Variants in PDK1 observed in about 807,000 individuals in gnomAD.
PDK1 encodes the protein [Pyruvate dehydrogenase (acetyl-transferring)] kinase isozyme 1, mitochondrial.
PDK1 carries 39 observed loss-of-function variants against 54.2 expected under a neutral mutation model. That is an observed-to-expected ratio of 0.72 (90% CI 0.56 to 0.94). The LOEUF (loss-of-function observed/expected upper bound fraction) is 0.94. PDK1 is among the 40% of genes least tolerant of loss of function. The pLI, the probability that PDK1 is intolerant of heterozygous loss-of-function variation, is 0.00. For synonymous variants in PDK1, 221 were observed against 207.1 expected (o/e 1.07, Z -0.58); for missense variants, 552 against 566.0 (o/e 0.98, Z 0.25).
In PDK1 at chr2:172,597,938, C is replaced by A. The variant is rs1690975511; in HGVS notation, c.*1969C>A. 6.6e-6 allele frequency: 1 copy of A among 151,430 alleles called. No homozygotes were observed. The highest frequency in any genetic ancestry group is 1.5e-5 in the Non-Finnish European group (1 of 67,820). The allele number at this position is 151,430 out of a possible 1,614,324, so 9.4% of individuals were successfully genotyped here. A position where few individuals can be genotyped will look rare whatever the true frequency, so the allele number is the denominator to read the frequency against. On this transcript the variant is annotated 3_prime_UTR_variant, in exon 11 of 11. Transcript: ENST00000282077. The stretch of plus-strand genomic sequence containing the variant: ...AGAGGGATGTGAATGGGCAGTTAGT[C>A]CAGTGCCCTCATTTAAGAGGCCAAG...
rs1388464734 is a variant in PDK1 at position 172,601,342 on chromosome 2, C to T, written c.*5373C>T. 2 of 152,084 alleles carry T rather than the reference C, an allele frequency of 1.3e-5. No homozygotes were observed. Among genetic ancestry groups the T allele is most frequent in the Non-Finnish European group, 2.9e-5 (2 of 68,008 alleles). The allele number at this position is 152,084 out of a possible 1,614,324, so 9.4% of individuals were successfully genotyped here. A position where few individuals can be genotyped will look rare whatever the true frequency, so the allele number is the denominator to read the frequency against. On this transcript the variant is annotated 3_prime_UTR_variant, in exon 11 of 11. Coordinates refer to ENST00000282077, the MANE Select transcript of PDK1 (RefSeq NM_002610.5). ...AAAGTTTAAAATAGAAGTAAACAAGCAAACATACTGATAATGGTTAGGCTT... is the reference window on the plus strand; with the variant it reads ...AAAGTTTAAAATAGAAGTAAACAAGTAAACATACTGATAATGGTTAGGCTT...
the PDK1 span, among the ~76,000 whole-genome samples, chr2:172,622,383 TA>T: frequency 2.7e-5 from 4 of 149,446 alleles, no homozygotes; most frequent in Non-Finnish European, 5.9e-5. Flanking sequence ...TTATGTGAGA[TA>T]TGTTTATATC....
At chr2:172,555,986 T>G (rs761907926), upstream of PDK1, 2 of 446,756 alleles carry the variant, frequency 4.5e-6, no homozygotes, top group Non-Finnish European at 7.5e-6. Flanking sequence ...CCGCTCCGCG[T>G]CCCGCCCAGC....
rs1387160837 is a variant in PDK1, at chr2:172,600,444, T to A, written c.*4475T>A. On this transcript the variant is annotated 3_prime_UTR_variant, in exon 11 of 11. Coordinates refer to ENST00000282077, the MANE Select transcript of PDK1 (RefSeq NM_002610.5). ...AATATGAACTATTTCTTTTCATCTC[T>A]TTACTCTCAGTATCTCCATAATGGC... The A allele has an allele frequency of 6.6e-6, 1 of 152,220 alleles. No homozygotes were observed. The highest frequency in any genetic ancestry group is 2.4e-5 in the African/African-American group (1 of 41,454). 9.4% of individuals were successfully genotyped at this position (152,220 alleles called of 1,614,324 possible).
the PDK1 span, among the ~76,000 whole-genome samples, chr2:172,679,504 A>G: frequency 6.6e-6 from 1 of 152,334 alleles, no homozygotes; most frequent in South Asian, 2.1e-4. Context: ...TTTGAGCAAC[A>G]AGATGAAGTC....
chr2:172,667,552 C>T, the PDK1 span, among the ~76,000 whole-genome samples: 1 of 152,198 alleles, frequency 6.6e-6, no homozygotes, highest in Non-Finnish European at 1.5e-5. Context: ...GACAAATCCT[C>T]CAGGTCAGCA....
the PDK1 span, among the ~76,000 whole-genome samples, chr2:172,622,128 T>TCATATTATGTGAGATATGTTTATATCA: frequency 9.2e-6 from 1 of 108,536 alleles, no homozygotes; most frequent in Non-Finnish European, 1.8e-5. Flanking sequence ...TGTTTATATC[T>TCATATTATGTGAGATATGTTTATATCA]CATATTATGT....
intron 8 of PDK1, among the ~76,000 whole-genome samples, chr2:172,574,518 C>T (rs368042539): frequency 5.9e-5 from 9 of 152,278 alleles, no homozygotes; most frequent in African/African-American, 2.2e-4. Flanking sequence ...TTAGAGTTAA[C>T]AATATTAACT....
chr2:172,559,375 T>C (rs898282170), intron 2 of PDK1, among the ~76,000 whole-genome samples: 2 of 152,214 alleles, frequency 1.3e-5, no homozygotes, highest in East Asian at 1.9e-4. Flanking sequence ...AAAACTGCAC[T>C]GAAATACAGA....
the PDK1 span, among the ~76,000 whole-genome samples, chr2:172,675,989 G>A: frequency 6.6e-6 from 1 of 152,052 alleles, no homozygotes; most frequent in African/African-American, 2.4e-5. Context: ...AATCTCTTCT[G>A]CTTGTGCTTT....
At chr2:172,669,117 T>C in the PDK1 span, among the ~76,000 whole-genome samples, 1 of 134,552 alleles carries the variant, frequency 7.4e-6, no homozygotes, top group Middle Eastern at 4.7e-3. Context: ...TGGAGTGCAG[T>C]GGCGCAATCT....
At chr2:172,676,841 A>T in the PDK1 span, among the ~76,000 whole-genome samples, 91 of 152,310 alleles carry the variant, frequency 6.0e-4, no homozygotes, top group African/African-American at 2.1e-3. Context: ...GATTGAATCC[A>T]TGTGGCAAAC....
rs143302178 is a variant in PDK1 at position 172,557,976 on chromosome 2, C to T, written c.197-732C>T. ...AGCCTCCCAAGCCTAGAACTACCGGCAAGCACCACCACGCCCGGCTATTTT... is the reference window on the plus strand; with the variant it reads ...AGCCTCCCAAGCCTAGAACTACCGGTAAGCACCACCACGCCCGGCTATTTT... On this transcript the variant is annotated intron_variant, in intron 1 of 10. Coordinates refer to ENST00000282077, the MANE Select transcript of PDK1 (RefSeq NM_002610.5). Among the ~76,000 whole-genome samples, 396 of 151,568 alleles carry T rather than the reference C, an allele frequency of 2.6e-3. 1 individual carries two copies. Among genetic ancestry groups the T allele is most frequent in the Admixed American group, 6.3e-3 (96 of 15,222 alleles).
chr2:172,681,117 T>C, the PDK1 span, among the ~76,000 whole-genome samples: 6 of 152,340 alleles, frequency 3.9e-5, no homozygotes, highest in East Asian at 1.2e-3. Context: ...TGAGAGTTTT[T>C]CTTTCTCTTT....
chr2:172,687,714 C>A, the PDK1 span, among the ~76,000 whole-genome samples: 17 of 152,166 alleles, frequency 1.1e-4, no homozygotes, highest in Admixed American at 1.1e-3. Context: ...TCCACAGTTA[C>A]AGCTGGGCAA....
At chr2:172,589,126 G>A (rs1191754236) in intron 9 of PDK1, among the ~76,000 whole-genome samples, 1 of 152,210 alleles carries the variant, frequency 6.6e-6, no homozygotes, top group African/African-American at 2.4e-5. Flanking sequence ...CAGCCCATAA[G>A]TATGGTCAAG....
chr2:172,666,625 T>G, the PDK1 span, among the ~76,000 whole-genome samples: 24 of 151,864 alleles, frequency 1.6e-4, no homozygotes, highest in Non-Finnish European at 3.1e-4. Flanking sequence ...ACTAGTTTGG[T>G]GGGAAGGATG....
chr2:172,651,556 A>G, the PDK1 span, among the ~76,000 whole-genome samples: 325 of 152,306 alleles, frequency 2.1e-3, 2 homozygotes, highest in African/African-American at 7.4e-3. Context: ...AAAGATCAAC[A>G]AAATTGATTG....
At chr2:172,668,866 T>C in the PDK1 span, among the ~76,000 whole-genome samples, 1 of 125,398 alleles carries the variant, frequency 8.0e-6, no homozygotes. Context: ...TATATATGTA[T>C]GTATGTACAC....
Sources: allele counts gnomAD v4.1 joint callset (sites outside exome capture counted in the v4.1 genomes callset), GRCh38; gene constraint gnomAD v4.1.1; transcripts MANE v1.5; gene names NCBI Gene and HGNC (gene_info 2026-07-23, HGNC 2026-07-21).